The following SLC4A10 variants were observed in gnomAD, a reference collection of about 807,000 sequenced individuals.
SLC4A10 encodes the protein solute carrier family 4 member 10.
In SLC4A10, 42 loss-of-function variants were observed where a neutral mutation model predicts 137.7. The observed-to-expected ratio is 0.30, with a 90% CI of 0.24 to 0.39. SLC4A10 has a LOEUF of 0.39. Ranked by LOEUF, SLC4A10 falls within the 10% of genes least tolerant of loss-of-function variation. SLC4A10 has a pLI of 1.00. For missense variants in SLC4A10, 925 were observed against 1,355.0 expected (o/e 0.68, Z 4.98); for synonymous variants, 474 against 464.1 (o/e 1.02, Z -0.27).
rs569249120 is a variant in SLC4A10 at position 161,687,211 on chromosome 2, T to A, written c.48+62645T>A. Among the ~76,000 whole-genome samples the A allele has an allele frequency of 4.6e-5, 7 of 152,242 alleles. No individual in the cohort carries two copies. The South Asian group carries it at 1.4e-3, about 32-fold the overall frequency. ...TTGAAAAGATATCAGAATATGTGCA[T>A]GATGAATTGCTAAGTGGAAAAAAGA... is the stretch of plus-strand genomic sequence containing the variant. On this transcript the variant is annotated intron_variant, in intron 1 of 26. Transcript: ENST00000446997.
intron 10 of SLC4A10, among the ~76,000 whole-genome samples, chr2:161,894,384 T>A (rs2063230167): frequency 6.6e-6 from 1 of 152,066 alleles, no homozygotes; most frequent in Admixed American, 6.6e-5. Context: ...CATACATAAA[T>A]AACTTTTGCC....
intron 10 of SLC4A10, among the ~76,000 whole-genome samples, chr2:161,892,361 G>C (rs955054556): frequency 1.3e-5 from 2 of 151,240 alleles, no homozygotes; most frequent in Non-Finnish European, 3.0e-5. Context: ...AGGTCTCAGG[G>C]CCATGTAGCC....
At chr2:161,726,715 C>T (rs759433736) in intron 1 of SLC4A10, among the ~76,000 whole-genome samples, 3 of 152,148 alleles carry the variant, frequency 2.0e-5, no homozygotes, top group Admixed American at 1.3e-4. Context: ...TGGAGACCAG[C>T]CTGGCCAACA....
intron 2 of SLC4A10, among the ~76,000 whole-genome samples, chr2:161,795,044 G>A (rs1244041512): frequency 1.3e-5 from 2 of 151,964 alleles, no homozygotes; most frequent in Non-Finnish European, 2.9e-5. Context: ...TATTGAAGGA[G>A]GTAAAATTTT....
intron 1 of SLC4A10, among the ~76,000 whole-genome samples, chr2:161,714,505 A>G (rs1239101660): frequency 6.6e-6 from 1 of 151,924 alleles, no homozygotes; most frequent in Non-Finnish European, 1.5e-5. Flanking sequence ...TCCTCCATGA[A>G]ACTACTCTTT....
intron 1 of SLC4A10, among the ~76,000 whole-genome samples, chr2:161,758,592 T>A (rs895071912): frequency 1.3e-5 from 2 of 151,992 alleles, no homozygotes; most frequent in Non-Finnish European, 2.9e-5. Flanking sequence ...CAGACACTTT[T>A]GGCTTATGTA....
intron 2 of SLC4A10, among the ~76,000 whole-genome samples, chr2:161,783,264 A>G (rs867053972): frequency 1.1e-4 from 16 of 151,956 alleles, no homozygotes; most frequent in Middle Eastern, 3.2e-3. Flanking sequence ...AGACCAAATG[A>G]AACTGTCATT....
At chr2:161,723,541 T>A (rs1013158142) in intron 1 of SLC4A10, among the ~76,000 whole-genome samples, 1 of 152,230 alleles carries the variant, frequency 6.6e-6, no homozygotes, top group Admixed American at 6.5e-5. Flanking sequence ...TCTCAATAAA[T>A]TGCAGTTATT....
chr2:161,784,785 A>G (rs1039684121), intron 2 of SLC4A10, among the ~76,000 whole-genome samples: 1 of 151,624 alleles, frequency 6.6e-6, no homozygotes, highest in African/African-American at 2.4e-5. Flanking sequence ...ATAAAAGTCT[A>G]TATGAAAAAA....
At position 161,624,417 on chromosome 2, in the gene SLC4A10, G is replaced by A; in HGVS notation, c.-102G>A. On this transcript the variant is annotated 5_prime_UTR_variant, in exon 1 of 27. Transcript: ENST00000446997. ...GAGTGTGCAATTGCCTCCTGCTTCA[G>A]AGCTACCTGATCCGAATACTAAGCA... 6.5e-7 allele frequency: 1 copy of A among 1,536,546 alleles called. No homozygotes were observed. Among genetic ancestry groups the A allele is most frequent in the Admixed American group, 2.0e-5 (1 of 49,862 alleles).
intron 1 of SLC4A10, 86 bp from the exon 2 acceptor site, chr2:161,770,886 GA>G: frequency 1.1e-6 from 1 of 912,534 alleles, no homozygotes. Context: ...ATTAAGCCTT[GA>G]AATATTAAAT....
chr2:161,690,117 A>G (rs1334568282), intron 1 of SLC4A10, among the ~76,000 whole-genome samples: 1 of 152,240 alleles, frequency 6.6e-6, no homozygotes, highest in Non-Finnish European at 1.5e-5. Flanking sequence ...AAAACAACCC[A>G]TTAAAAAGTG....
rs1197273919 is a variant in SLC4A10, at chr2:161,624,470, A to G, written c.-49A>G. 2.0e-5 allele frequency: 31 copies of G among 1,551,156 alleles called. No homozygotes were observed. The highest frequency in any genetic ancestry group is 2.4e-5 in the Non-Finnish European group (28 of 1,146,668). On this transcript the variant is annotated 5_prime_UTR_variant, in exon 1 of 27. Coordinates refer to ENST00000446997, the MANE Select transcript of SLC4A10 (RefSeq NM_001178015.2). The stretch of plus-strand genomic sequence containing the variant: ...GCGAGTGCCGGGCTGAGTGTAAGAC[A>G]CTGAAGACACTGCAGAGCAAGGTGC...
At chr2:161,971,183 C>T (rs2105950565) in intron 23 of SLC4A10, among the ~76,000 whole-genome samples, 1 of 152,348 alleles carries the variant, frequency 6.6e-6, no homozygotes, top group South Asian at 2.1e-4. Flanking sequence ...TTCTTGTTAA[C>T]TGTGTGCATA....
intron 1 of SLC4A10, among the ~76,000 whole-genome samples, chr2:161,761,174 T>C (rs2050217787): frequency 6.6e-6 from 1 of 152,054 alleles, no homozygotes; most frequent in African/African-American, 2.4e-5. Context: ...GTTATGTGGC[T>C]GCACACACAT....
Position 161,882,781 on chromosome 2 carries a change from C to T in SLC4A10, c.1194+337C>T, listed in dbSNP as rs573848165. On this transcript the variant is annotated intron_variant, in intron 10 of 26. Coordinates refer to ENST00000446997, the MANE Select transcript of SLC4A10 (RefSeq NM_001178015.2). ...AAATCTTGTTTTGAGTAAAGAATTT[C>T]GAAGTCTAAAGAAAAAACAATAGCA... Among the ~76,000 whole-genome samples the T allele has an allele frequency of 1.1e-4, 17 of 152,040 alleles. No individual in the cohort carries two copies. In the South Asian group the frequency reaches 1.5e-3, roughly 13 times the overall value.
chr2:161,625,949 AT>A (rs1162316296), intron 1 of SLC4A10, among the ~76,000 whole-genome samples: 1 of 152,024 alleles, frequency 6.6e-6, no homozygotes, highest in Non-Finnish European at 1.5e-5. Flanking sequence ...AAATAGAGAT[AT>A]TTCTTTGTGG....
At chr2:161,792,946 T>C (rs958276057) in intron 2 of SLC4A10, among the ~76,000 whole-genome samples, 6 of 151,890 alleles carry the variant, frequency 4.0e-5, no homozygotes, top group Admixed American at 1.3e-4. Context: ...TAATAATGAA[T>C]AAATATTAAA....
At chr2:161,932,154 A>T (rs1200983888) in intron 15 of SLC4A10, among the ~76,000 whole-genome samples, 1 of 152,174 alleles carries the variant, frequency 6.6e-6, no homozygotes, top group Non-Finnish European at 1.5e-5. Context: ...GAATCTTCTC[A>T]TTAAGGGAGC....
Sources: gnomAD v4.1 joint callset for allele counts (sites outside exome capture counted in the v4.1 genomes callset) on GRCh38, gnomAD v4.1.1 for gene constraint, MANE v1.5 for transcripts, NCBI Gene and HGNC (gene_info 2026-07-23, HGNC 2026-07-21) for gene names.